The following MAN1A2 variants were observed in gnomAD, a reference collection of about 807,000 sequenced individuals.
MAN1A2 encodes the protein mannosyl-oligosaccharide 1,2-alpha-mannosidase IB.
MAN1A2 carries 26 observed loss-of-function variants against 75.7 expected under a neutral mutation model. The ratio of observed to expected loss-of-function variants is 0.34; its 90% confidence interval spans 0.25 to 0.48. The LOEUF is 0.48. Among genes scored for constraint, MAN1A2 ranks in the 20% least tolerant of loss-of-function variants. The pLI is 0.99. For synonymous variants in MAN1A2, 247 were observed against 264.6 expected (o/e 0.93, Z 0.65); for missense variants, 562 against 775.5 (o/e 0.72, Z 3.27).
chr1:117,487,488 A>G (rs1232381065), intron 8 of MAN1A2, among the ~76,000 whole-genome samples: 2 of 152,088 alleles, frequency 1.3e-5, no homozygotes, highest in Non-Finnish European at 2.9e-5. Flanking sequence ...ACTAAAAGCT[A>G]TACAAGAAAG....
intron 6 of MAN1A2, among the ~76,000 whole-genome samples, chr1:117,458,255 C>CT (rs1570759413): frequency 2.0e-5 from 3 of 151,650 alleles, no homozygotes; most frequent in Admixed American, 6.6e-5. Context: ...GAATTACTGT[C>CT]TTATGTAGTT....
chr1:117,422,161 T>C lies in MAN1A2; in HGVS notation c.855+1512T>C, dbSNP rs558473357. Reference sequence around the variant, plus strand: ...TCACCAGCATGATCAAGATACAGAATTTTATTATCCTAGAAAATTTCCATT... The same window carrying C: ...TCACCAGCATGATCAAGATACAGAACTTTATTATCCTAGAAAATTTCCATT... On this transcript the variant is annotated intron_variant, in intron 5 of 12. Transcript: ENST00000356554. 2.6e-5 allele frequency among the ~76,000 whole-genome samples: 4 copies of C among 152,256 alleles called. No individual in the cohort carries two copies. In the South Asian group the frequency reaches 8.3e-4, roughly 32 times the overall value.
chr1:117,400,791 T>A (rs1647397753), intron 1 of MAN1A2, among the ~76,000 whole-genome samples: 1 of 152,218 alleles, frequency 6.6e-6, no homozygotes, highest in Admixed American at 6.5e-5. Flanking sequence ...AGTTTTTGCC[T>A]ATTATGGGCT....
At chr1:117,377,553 AAAG>A (rs1418204310) in intron 1 of MAN1A2, among the ~76,000 whole-genome samples, 1 of 152,240 alleles carries the variant, frequency 6.6e-6, no homozygotes. Context: ...ATCAGTGCAC[AAAG>A]AAGTGTTCAA....
At chr1:117,479,937 G>T (rs1474135215) in intron 8 of MAN1A2, among the ~76,000 whole-genome samples, 1 of 151,802 alleles carries the variant, frequency 6.6e-6, no homozygotes, top group Non-Finnish European at 1.5e-5. Context: ...GATTTTTTAG[G>T]TGAATCTGGT....
chr1:117,386,898 G>C (rs1004566932), intron 1 of MAN1A2, among the ~76,000 whole-genome samples: 4 of 152,056 alleles, frequency 2.6e-5, no homozygotes, highest in African/African-American at 9.7e-5. Flanking sequence ...GTGATAGAGT[G>C]AGACCCTATC....
At chr1:117,458,444 C>G (rs575266077) in intron 6 of MAN1A2, among the ~76,000 whole-genome samples, 1 of 140,850 alleles carries the variant, frequency 7.1e-6, no homozygotes, top group Admixed American at 7.1e-5. Flanking sequence ...TAAAATATAA[C>G]ATATTGAATT....
chr1:117,526,880 C>CTCTCTCTATATATATATA lies in MAN1A2; in HGVS notation c.*3924_*3925insCTCTCTATATATATATAT. ...TCTCTCTCTCTCTCTCTCTCTCTCT[C>CTCTCTCTATATATATATA]TATATATATATATATATATATATAT... On this transcript the variant is annotated 3_prime_UTR_variant, in exon 13 of 13. Coordinates refer to ENST00000356554, the MANE Select transcript of MAN1A2 (RefSeq NM_006699.5). 8.6e-4 allele frequency: 47 copies of CTCTCTCTATATATATATA among 54,506 alleles called. No individual in the cohort carries two copies. Among genetic ancestry groups the CTCTCTCTATATATATATA allele is most frequent in the South Asian group, 1.3e-3 (2 of 1,566 alleles). The allele number at this position is 54,506 out of a possible 1,614,324, so 3.4% of individuals were successfully genotyped here. A position where few individuals can be genotyped will look rare whatever the true frequency, so the allele number is the denominator to read the frequency against.
At chr1:117,424,683 C>CTG (rs1446269154) in intron 5 of MAN1A2, among the ~76,000 whole-genome samples, 9 of 152,304 alleles carry the variant, frequency 5.9e-5, no homozygotes, top group Non-Finnish European at 1.5e-5. Flanking sequence ...CTGCAGTCTG[C>CTG]TGCATACCCC....
intron 1 of MAN1A2, among the ~76,000 whole-genome samples, chr1:117,394,329 G>A (rs942566328): frequency 1.3e-5 from 2 of 151,990 alleles, no homozygotes; most frequent in Non-Finnish European, 2.9e-5. Flanking sequence ...TGATCCGCCC[G>A]CCTCGGCCTC....
chr1:117,497,480 A>G (rs1651066683), intron 10 of MAN1A2, among the ~76,000 whole-genome samples: 1 of 151,976 alleles, frequency 6.6e-6, no homozygotes, highest in Non-Finnish European at 1.5e-5. Context: ...GGCTTTAACT[A>G]AAAAGATCCT....
chr1:117,447,801 C>T (rs1023653466), intron 6 of MAN1A2, among the ~76,000 whole-genome samples: 1 of 151,984 alleles, frequency 6.6e-6, no homozygotes, highest in Non-Finnish European at 1.5e-5. Flanking sequence ...AGTACTTTGT[C>T]ATATAAATTG....
intron 8 of MAN1A2, among the ~76,000 whole-genome samples, chr1:117,488,028 G>A (rs558178897): frequency 4.0e-4 from 61 of 152,072 alleles, no homozygotes; most frequent in Non-Finnish European, 7.8e-4. Context: ...TGAATTTCTT[G>A]TTCTATCTGA....
intron 1 of MAN1A2, among the ~76,000 whole-genome samples, chr1:117,384,011 C>G (rs1017870544): frequency 4.6e-5 from 7 of 152,154 alleles, no homozygotes; most frequent in African/African-American, 1.7e-4. Flanking sequence ...TTTGCATCTT[C>G]TCTGTTTTTC....
At chr1:117,481,684 G>A (rs907349266) in intron 8 of MAN1A2, among the ~76,000 whole-genome samples, 2 of 151,924 alleles carry the variant, frequency 1.3e-5, no homozygotes, top group Non-Finnish European at 2.9e-5. Flanking sequence ...GCTTCATGTG[G>A]TCTCATCATC....
intron 3 of MAN1A2, 40 bp downstream of exon 3, chr1:117,405,685 C>T (rs1298458952): frequency 2.7e-6 from 3 of 1,103,202 alleles, no homozygotes; most frequent in African/African-American, 3.1e-5. Flanking sequence ...CATTTTCTAC[C>T]TCCATCTTTT....
At chr1:117,504,843 C>T (rs1287015189) in intron 12 of MAN1A2, among the ~76,000 whole-genome samples, 1 of 151,144 alleles carries the variant, frequency 6.6e-6, no homozygotes, top group Non-Finnish European at 1.5e-5. Context: ...TCTAATTGTT[C>T]CACATGATCA....
At chr1:117,397,340 G>A (rs1653933362) in intron 1 of MAN1A2, among the ~76,000 whole-genome samples, 1 of 152,240 alleles carries the variant, frequency 6.6e-6, no homozygotes, top group African/African-American at 2.4e-5. Context: ...ACAATAACAA[G>A]TGGGATAAGA....
intron 1 of MAN1A2, among the ~76,000 whole-genome samples, chr1:117,393,904 G>A (rs1653821393): frequency 6.6e-6 from 1 of 152,146 alleles, no homozygotes; most frequent in Non-Finnish European, 1.5e-5. Flanking sequence ...ATCAATGGAA[G>A]TTTGAATGTG....
Sources: allele counts gnomAD v4.1 joint callset (sites outside exome capture counted in the v4.1 genomes callset), GRCh38; gene constraint gnomAD v4.1.1; transcripts MANE v1.5; gene names NCBI Gene and HGNC (gene_info 2026-07-23, HGNC 2026-07-21).